Variants in KAT6A observed in about 807,000 individuals in gnomAD.
KAT6A encodes the protein histone acetyltransferase KAT6A.
In KAT6A, 9 loss-of-function variants were observed where a neutral mutation model predicts 198.4. That is an observed-to-expected ratio of 0.05 (90% CI 0.03 to 0.08). The LOEUF (loss-of-function observed/expected upper bound fraction) is 0.08. Among genes scored for constraint, KAT6A ranks in the 10% least tolerant of loss-of-function variants. The pLI is 1.00. For synonymous variants in KAT6A, 890 were observed against 883.0 expected, an observed-to-expected ratio of 1.01 and a Z score of -0.14; for missense variants, 2,077 against 2,509.9, an observed-to-expected ratio of 0.83 and a Z score of 3.69.
chr8:42,006,601 C>A (rs1019661860), intron 2 of KAT6A, among the ~76,000 whole-genome samples: 5 of 152,074 alleles, frequency 3.3e-5, no homozygotes, highest in African/African-American at 1.2e-4. Flanking sequence ...CATGTGGACG[C>A]CCAAAGAGTT....
intron 2 of KAT6A, among the ~76,000 whole-genome samples, chr8:42,028,674 A>T (rs895042865): frequency 1.3e-5 from 2 of 152,352 alleles, no homozygotes; most frequent in South Asian, 2.1e-4. Context: ...TCTTAAAAAA[A>T]ATCAGTTTAT....
In KAT6A at chr8:41,932,920, T is replaced by C; in HGVS notation, c.5300A>G (p.His1767Arg). ...AGGAGAATGGCTATAAGGCATGGCATGAGGGTCCATAATGGTGTTGGTCAG... is the reference window on the plus strand; with the variant it reads ...AGGAGAATGGCTATAAGGCATGGCACGAGGGTCCATAATGGTGTTGGTCAG... ...QQLTNTIMDP[H>R]AMPYSHSPAV... is the part of the protein sequence containing the mutation. Residue 1767 changes from histidine (H) to arginine (R), a missense_variant, in exon 17 of 17, where the codon CAT becomes CGT. Transcript: ENST00000265713. 6.2e-7 allele frequency: 1 copy of C among 1,614,124 alleles called. No homozygotes were observed. Among genetic ancestry groups the C allele is most frequent in the East Asian group, 2.2e-5 (1 of 44,878 alleles).
rs1246056054 is a variant in KAT6A at position 41,943,865 on chromosome 8, T to C, written c.2111A>G (p.Tyr704Cys). 1.2e-6 allele frequency: 2 copies of C among 1,613,914 alleles called. No homozygotes were observed. Among genetic ancestry groups the C allele is most frequent in the Admixed American group, 1.7e-5 (1 of 60,014 alleles). ...YWKSVILECL[Y>C]HQNDKQISIK... ...GCTGATCTGCTTGTCATTTTGGTGATAAAGGCACTCCAATATTACACTTTT... is the reference window on the plus strand; with the variant it reads ...GCTGATCTGCTTGTCATTTTGGTGACAAAGGCACTCCAATATTACACTTTT... Residue 704 changes from tyrosine (Y) to cysteine (C), a missense_variant, in exon 13 of 17, where the codon TAT (tyrosine) becomes TGT (cysteine). Around this residue, in one of 13 missense-constraint regions of KAT6A, gnomAD observed 127 missense variants for 209.6 expected, o/e 0.61. Transcript: ENST00000265713.
intron 6 of KAT6A, among the ~76,000 whole-genome samples, chr8:41,978,118 T>C (rs1449511885): frequency 6.6e-6 from 1 of 152,162 alleles, no homozygotes; most frequent in Non-Finnish European, 1.5e-5. Context: ...GATGAAAACA[T>C]TCAAATTATT....
Position 41,932,633 on chromosome 8 carries a change from G to T in KAT6A, c.5587C>A (p.Pro1863Thr). 3 of 1,614,172 alleles carry T rather than the reference G, an allele frequency of 1.9e-6. No homozygotes were observed. Among genetic ancestry groups the T allele is most frequent in the Non-Finnish European group, 2.5e-6 (3 of 1,179,982 alleles). The change falls in exon 17 of 17, where the codon CCA becomes ACA. Residue 1863 changes from proline (P) to threonine (T), a missense_variant. Physicochemically the swap from Pro to Thr is conservative, Grantham distance 38. Coordinates refer to ENST00000265713, the MANE Select transcript of KAT6A (RefSeq NM_006766.5). ...TGGTGAGCAGCCGCAGAGGGCAGTG[G>T]CGCAGACTTGGAGCGGATGGAAATG... is the stretch of plus-strand genomic sequence containing the variant. Reference protein sequence around the residue: ...GHISIRSKSAPLPSAAAHQQQ... With the variant: ...GHISIRSKSATLPSAAAHQQQ...
intron 2 of KAT6A, among the ~76,000 whole-genome samples, chr8:42,037,650 A>C (rs570424615): frequency 2.6e-5 from 4 of 152,040 alleles, no homozygotes; most frequent in Non-Finnish European, 5.9e-5. Context: ...ATAAAAGGTA[A>C]ACGGCAAAAG....
At chr8:41,950,823 T>C (rs1288962113) in intron 9 of KAT6A, among the ~76,000 whole-genome samples, 1 of 152,206 alleles carries the variant, frequency 6.6e-6, no homozygotes, top group Non-Finnish European at 1.5e-5. Context: ...TATTTCATAA[T>C]GTGTATATTT....
At chr8:41,976,412 C>T (rs1207660134) in intron 7 of KAT6A, among the ~76,000 whole-genome samples, 1 of 152,166 alleles carries the variant, frequency 6.6e-6, no homozygotes, top group Non-Finnish European at 1.5e-5. Flanking sequence ...ATTATTAAGT[C>T]CTCTCCACAG....
intron 2 of KAT6A, among the ~76,000 whole-genome samples, chr8:41,991,970 C>G (rs1411159922): frequency 1.3e-5 from 2 of 151,952 alleles, no homozygotes; most frequent in Non-Finnish European, 2.9e-5. Context: ...AGAAAGTAAT[C>G]AATAATCAAT....
At chr8:42,043,900 T>C (rs1827782933) in intron 2 of KAT6A, among the ~76,000 whole-genome samples, 1 of 152,108 alleles carries the variant, frequency 6.6e-6, no homozygotes, top group Non-Finnish European at 1.5e-5. Flanking sequence ...GCTATTTCAC[T>C]GCTGGTACTG....
intron 2 of KAT6A, among the ~76,000 whole-genome samples, chr8:42,021,827 T>C (rs565798777): frequency 5.9e-5 from 9 of 152,220 alleles, no homozygotes; most frequent in African/African-American, 9.6e-5. Flanking sequence ...ACTCTGCAGA[T>C]TGAAGTACAA....
At chr8:41,964,967 CAGATA>C (rs1823391379) in intron 8 of KAT6A, among the ~76,000 whole-genome samples, 1 of 152,118 alleles carries the variant, frequency 6.6e-6, no homozygotes, top group Admixed American at 6.6e-5. Flanking sequence ...AGCAAAACCA[CAGATA>C]AAAGGGGGAT....
chr8:41,953,494 ATG>A (rs1444422227), intron 9 of KAT6A, among the ~76,000 whole-genome samples: 80 of 152,328 alleles, frequency 5.3e-4, no homozygotes, highest in African/African-American at 1.8e-3. Context: ...TTCTTTTGAG[ATG>A]GAGTTTCGCT....
chr8:41,977,315 G>A lies in KAT6A; in HGVS notation c.1056C>T (p.Pro352=), dbSNP rs532592847. 3.1e-6 allele frequency: 5 copies of A among 1,612,590 alleles called. No homozygotes were observed. The highest frequency in any genetic ancestry group is 1.3e-5 in the African/African-American group (1 of 74,934). ...CAGGGCCAGTTCGAACTTTGCTGAA[G>A]GGACCTTTTGATCTAAACAATTAAA... ...LKKQNTVSKG[P]FSKVRTGPGR... The change falls in exon 7 of 17, where the codon CCC becomes CCT. Residue 352 remains proline, a synonymous_variant. Coordinates refer to ENST00000265713, the MANE Select transcript of KAT6A (RefSeq NM_006766.5).
At chr8:41,980,039 G>A (rs1824269948) in intron 5 of KAT6A, among the ~76,000 whole-genome samples, 2 of 152,060 alleles carry the variant, frequency 1.3e-5, no homozygotes, top group Non-Finnish European at 2.9e-5. Flanking sequence ...TGACTACAAA[G>A]TACGGTTAAG....
intron 2 of KAT6A, among the ~76,000 whole-genome samples, chr8:42,003,305 T>C (rs1373103035): frequency 6.6e-6 from 1 of 152,092 alleles, no homozygotes; most frequent in South Asian, 2.1e-4. Context: ...GGGCAAGACA[T>C]CTTTTTGAGA....
chr8:42,031,948 G>C (rs1483435384), intron 2 of KAT6A, among the ~76,000 whole-genome samples: 2 of 141,702 alleles, frequency 1.4e-5, no homozygotes, highest in African/African-American at 5.2e-5. Context: ...TTTTTTTTTT[G>C]AGACGGAGTC....
At chr8:41,979,512 C>T (rs752668392) in intron 5 of KAT6A, among the ~76,000 whole-genome samples, 7 of 151,010 alleles carry the variant, frequency 4.6e-5, no homozygotes, top group Non-Finnish European at 1.0e-4. Context: ...TGGTGGCTCA[C>T]GCCTGTAATC....
intron 2 of KAT6A, among the ~76,000 whole-genome samples, chr8:42,044,554 G>A (rs117157726): frequency 9.7e-4 from 147 of 151,954 alleles, no homozygotes; most frequent in East Asian, 9.7e-3. Context: ...CTCAGCTGCC[G>A]AAAATCTAAC....
Sources: gnomAD v4.1 joint callset for allele counts (sites outside exome capture counted in the v4.1 genomes callset) on GRCh38, gnomAD v4.1.1 for gene constraint, gnomAD v4.1.1 regional missense constraint, MANE v1.5 for transcripts, NCBI Gene and HGNC (gene_info 2026-07-23, HGNC 2026-07-21) for gene names.